The following LRCH2 variants were observed in gnomAD, a reference collection of about 807,000 sequenced individuals.
LRCH2 encodes the protein leucine-rich repeat and calponin homology domain-containing protein 2.
In LRCH2, 38 loss-of-function variants were observed where a neutral mutation model predicts 68.9. The observed-to-expected ratio is 0.55, with a 90% CI of 0.43 to 0.72. The LOEUF (loss-of-function observed/expected upper bound fraction) is 0.72, where lower values mean the gene tolerates loss of function less well. Among genes scored for constraint, LRCH2 ranks in the 30% least tolerant of loss-of-function variants. The probability of loss-of-function intolerance (pLI) is 0.00; values close to 1 mark genes in which losing one functional copy is unlikely to be tolerated. For synonymous variants in LRCH2, 191 were observed against 208.1 expected, an observed-to-expected ratio of 0.92 and a Z score of 0.71; for missense variants, 528 against 572.9, an observed-to-expected ratio of 0.92 and a Z score of 0.80.
At chrX:115,189,964 G>A in intron 1 of LRCH2, 1 of 1,163,115 alleles carries the variant, frequency 8.6e-7, no homozygotes. Flanking sequence ...TCACAGCGTT[G>A]GCTGTGGAAT....
At chrX:115,219,939 A>G (rs1177620875) in intron 1 of LRCH2, among the ~76,000 whole-genome samples, 1 of 111,714 alleles carries the variant, frequency 9.0e-6, no homozygotes, top group African/African-American at 3.3e-5. Context: ...TCACCAAGGC[A>G]CCATGGCAGA....
intron 14 of LRCH2, among the ~76,000 whole-genome samples, chrX:115,147,962 G>C (rs974440556): frequency 9.0e-6 from 1 of 111,230 alleles, no homozygotes; most frequent in Admixed American, 9.6e-5. Context: ...TGAAGCAAGA[G>C]GATCACGTGA....
intron 10 of LRCH2, among the ~76,000 whole-genome samples, chrX:115,165,139 G>A (rs2072547690): frequency 9.1e-6 from 1 of 109,907 alleles, no homozygotes. Context: ...GTATATGACG[G>A]TATAGTCCTC....
chrX:115,155,884 T>C (rs186849164), intron 12 of LRCH2, among the ~76,000 whole-genome samples: 74 of 111,851 alleles, frequency 6.6e-4, no homozygotes, highest in Non-Finnish European at 1.1e-3. Context: ...CCCACCTCAA[T>C]CTTATGGGTT....
At chrX:115,227,065 T>A (rs1556576490) in intron 1 of LRCH2, among the ~76,000 whole-genome samples, 1 of 111,177 alleles carries the variant, frequency 9.0e-6, no homozygotes, top group Non-Finnish European at 1.9e-5. Context: ...CAATGTAGGA[T>A]GCTTGGCAGC....
At chrX:115,225,911 C>T (rs2147368867) in intron 1 of LRCH2, among the ~76,000 whole-genome samples, 1 of 112,050 alleles carries the variant, frequency 8.9e-6, no homozygotes, top group East Asian at 2.8e-4. Context: ...TTTAAACACA[C>T]TTGGTCAAAA....
chrX:115,117,651 C>T (rs929547085), intron 20 of LRCH2, among the ~76,000 whole-genome samples: 4 of 110,997 alleles, frequency 3.6e-5, no homozygotes, highest in Admixed American at 9.6e-5. Context: ...ACAACACTGA[C>T]GAGTCATAAA....
intron 1 of LRCH2, chrX:115,190,537 T>A: frequency 1.7e-6 from 2 of 1,158,372 alleles, no homozygotes; most frequent in Non-Finnish European, 2.3e-6. Context: ...GCCCAAAGCC[T>A]ATAGTGGGGG....
chrX:115,219,863 C>T (rs7055348), intron 1 of LRCH2, among the ~76,000 whole-genome samples: 2,771 of 111,500 alleles, frequency 0.025, 91 homozygotes, highest in African/African-American at 0.087. Flanking sequence ...ACAGAGTATT[C>T]CCCCAAGACT....
At chrX:115,122,449 T>A (rs2072151675) in intron 20 of LRCH2, 78 bp downstream of exon 20, 1 of 799,528 alleles carries the variant, frequency 1.3e-6, no homozygotes, top group Admixed American at 2.7e-5. Flanking sequence ...GCATTATTCA[T>A]TGCTCTAAGA....
rs781827827 is a variant in LRCH2, at chrX:115,118,888, C to A, written c.2178+3639G>T. The stretch of plus-strand genomic sequence containing the variant: ...TATACGCAAATCAATAAATGTAATC[C>A]AGCATATAAACAGAACCAAAGACAA... On this transcript the variant is annotated intron_variant, in intron 20 of 20. Transcript: ENST00000317135. 5.8e-3 allele frequency among the ~76,000 whole-genome samples: 648 copies of A among 111,059 alleles called. 8 individuals are homozygous for A. Among genetic ancestry groups the A allele is most frequent in the African/African-American group, 0.02 (598 of 30,465 alleles).
rs781951575 is a variant in LRCH2 at position 115,190,550 on chromosome X, G to A, written c.350-2180C>T. On this transcript the variant is annotated intron_variant, in intron 1 of 20. Coordinates refer to ENST00000317135, the MANE Select transcript of LRCH2 (RefSeq NM_020871.4). ...TCGCCCAAAGCCTATAGTGGGGGCCGCAGCAGTTCCAGTAACGGTTACAGC... is the reference window on the plus strand; with the variant it reads ...TCGCCCAAAGCCTATAGTGGGGGCCACAGCAGTTCCAGTAACGGTTACAGC... The A allele has an allele frequency of 6.4e-5, 75 of 1,165,011 alleles. No individual in the cohort carries two copies. The highest frequency in any genetic ancestry group is 7.8e-5 in the Non-Finnish European group (68 of 872,360).
chrX:115,146,386 A>C (rs951656262), intron 14 of LRCH2, among the ~76,000 whole-genome samples: 7 of 110,889 alleles, frequency 6.3e-5, no homozygotes, highest in Non-Finnish European at 1.3e-4. Flanking sequence ...ACTATAGTCA[A>C]TAATAATTTA....
At chrX:115,153,247 G>GC (rs2072447182) in intron 12 of LRCH2, among the ~76,000 whole-genome samples, 2 of 108,642 alleles carry the variant, frequency 1.8e-5, no homozygotes, top group South Asian at 8.2e-4. Context: ...TCACTGGAGT[G>GC]CAGGAGGTCA....
chrX:115,165,862 T>G lies in LRCH2; in HGVS notation c.1177A>C (p.Ser393Arg). The G allele has an allele frequency of 8.6e-7, 1 of 1,158,750 alleles. No homozygotes were observed. The highest frequency in any genetic ancestry group is 1.2e-6 in the Non-Finnish European group (1 of 865,427). The stretch of plus-strand genomic sequence containing the variant: ...TTACCTTTCTGAGAATCAGTCTTAC[T>G]TCCTATTATGTGACTGTCATTTCTT... ...TSRNDSHIIG[S>R]KTDSQKDQEV... Residue 393 changes from serine (S) to arginine (R), a missense_variant, in exon 8 of 21, where the codon AGT becomes CGT. Transcript: ENST00000317135.
intron 14 of LRCH2, among the ~76,000 whole-genome samples, chrX:115,145,629 G>T (rs1556535797): frequency 8.9e-6 from 1 of 111,883 alleles, no homozygotes; most frequent in Non-Finnish European, 1.9e-5. Context: ...ATGGGTAAAA[G>T]ATGTGAATAG....
chrX:115,115,684 A>T (rs1222657462), intron 20 of LRCH2, among the ~76,000 whole-genome samples: 1 of 110,940 alleles, frequency 9.0e-6, no homozygotes, highest in Non-Finnish European at 1.9e-5. Context: ...TAAGCAGCAG[A>T]AGAAAAAATG....
intron 5 of LRCH2, among the ~76,000 whole-genome samples, chrX:115,178,034 A>T (rs2072664356): frequency 1.8e-5 from 2 of 112,621 alleles, no homozygotes; most frequent in Non-Finnish European, 3.7e-5. Context: ...ATGCAGATAC[A>T]GAACATGCTC....
At chrX:115,154,843 T>A (rs1241061069) in intron 12 of LRCH2, among the ~76,000 whole-genome samples, 6 of 109,068 alleles carry the variant, frequency 5.5e-5, no homozygotes, top group Non-Finnish European at 1.1e-4. Context: ...ATAACATATC[T>A]TTAAGCATTT....
Sources: gnomAD v4.1 joint callset for allele counts (sites outside exome capture counted in the v4.1 genomes callset) on GRCh38, gnomAD v4.1.1 for gene constraint, MANE v1.5 for transcripts, NCBI Gene and HGNC (gene_info 2026-07-23, HGNC 2026-07-21) for gene names.